Variants in ANK2 observed in about 807,000 individuals in gnomAD.
ANK2 encodes ankyrin 2, also known as ankyrin-2.
A neutral mutation model predicts 360.5 loss-of-function variants in ANK2; 83 were observed. The observed-to-expected ratio is 0.23, with a 90% CI of 0.19 to 0.28. The LOEUF (loss-of-function observed/expected upper bound fraction) is 0.28. Among genes scored for constraint, ANK2 ranks in the 10% least tolerant of loss-of-function variants. The probability of loss-of-function intolerance (pLI) is 1.00; values close to 1 mark genes in which losing one functional copy is unlikely to be tolerated. For synonymous variants in ANK2, 1,740 were observed against 1,759.5 expected, an observed-to-expected ratio of 0.99 and a Z score of 0.28; for missense variants, 4,201 against 4,795.7, an observed-to-expected ratio of 0.88 and a Z score of 3.66.
the ANK2 span, among the ~76,000 whole-genome samples, chr4:112,749,190 G>A: frequency 6.6e-6 from 1 of 152,116 alleles, no homozygotes; most frequent in African/African-American, 2.4e-5. Context: ...GTGAGCCACC[G>A]CGCCTGGCCT....
chr4:113,328,851 G>A (rs2091406971), intron 26 of ANK2, among the ~76,000 whole-genome samples: 1 of 152,186 alleles, frequency 6.6e-6, no homozygotes, highest in Non-Finnish European at 1.5e-5. Context: ...TGAAGAAGAT[G>A]CTAAGATATT....
At chr4:112,873,791 C>T (rs2074088413) in intron 1 of ANK2, among the ~76,000 whole-genome samples, 1 of 151,960 alleles carries the variant, frequency 6.6e-6, no homozygotes, top group Non-Finnish European at 1.5e-5. Context: ...ATCCGCCTGC[C>T]TCAGCCTCCC....
Position 113,358,843 on chromosome 4 carries a change from A to G in ANK2, c.10225A>G (p.Ser3409Gly), listed in dbSNP as rs767072859. ...SKTKCPVKTRSYTETETESRE... is the reference protein window; with the variant it reads ...SKTKCPVKTRGYTETETESRE... ...GACCAAATGCCCAGTAAAAACCCGA[A>G]GTTACACTGAGACAGAAACAGAGAG... is the stretch of plus-strand genomic sequence containing the variant. The change falls in exon 38 of 46, where the codon AGT becomes GGT. Residue 3409 changes from serine (S) to glycine (G), a missense_variant. Ser to Gly is a moderately conservative substitution (Grantham distance 56). This residue lies in a region of ANK2 where 2,642 missense variants were observed against 2,714.5 expected (regional missense o/e 0.97). Coordinates refer to ENST00000357077, the MANE Select transcript of ANK2 (RefSeq NM_001148.6). 3 of 1,613,998 alleles carry G rather than the reference A, an allele frequency of 1.9e-6. No individual in the cohort carries two copies. The highest frequency in any genetic ancestry group is 1.7e-6 in the Non-Finnish European group (2 of 1,179,994).
chr4:112,865,112 A>G (rs542851051), intron 1 of ANK2, among the ~76,000 whole-genome samples: 1 of 146,756 alleles, frequency 6.8e-6, no homozygotes, highest in African/African-American at 2.5e-5. Flanking sequence ...AAATAGCATT[A>G]GTGCAACATG....
chr4:112,772,033 A>G, the ANK2 span, among the ~76,000 whole-genome samples: 1 of 152,048 alleles, frequency 6.6e-6, no homozygotes, highest in Admixed American at 6.6e-5. Context: ...AGGTCAGAAA[A>G]TCCTTCTCGC....
chr4:112,758,089 T>A, the ANK2 span, among the ~76,000 whole-genome samples: 4 of 142,204 alleles, frequency 2.8e-5, no homozygotes, highest in South Asian at 2.3e-4. Flanking sequence ...TTTTTTTTTT[T>A]AATAGAGCCA....
At chr4:112,900,390 G>A (rs1233868174) in intron 1 of ANK2, among the ~76,000 whole-genome samples, 1 of 152,014 alleles carries the variant, frequency 6.6e-6, no homozygotes, top group Non-Finnish European at 1.5e-5. Context: ...ATCAGGATCC[G>A]AACATGGTCT....
At chr4:113,348,123 A>G (rs2095073423) in intron 35 of ANK2, 153 bp from the exon 36 acceptor site, 2 of 729,074 alleles carry the variant, frequency 2.7e-6, no homozygotes, top group Admixed American at 4.4e-5. Flanking sequence ...TCTTCTATAA[A>G]CTGTTAGTAA....
At chr4:112,869,652 T>C (rs1299823455) in intron 1 of ANK2, among the ~76,000 whole-genome samples, 4 of 152,218 alleles carry the variant, frequency 2.6e-5, no homozygotes, top group African/African-American at 9.7e-5. Context: ...TATTTATTTT[T>C]CTTTTGTTGC....
At chr4:112,770,755 TA>T in the ANK2 span, among the ~76,000 whole-genome samples, 1 of 151,812 alleles carries the variant, frequency 6.6e-6, no homozygotes, top group Non-Finnish European at 1.5e-5. Flanking sequence ...GCAGGCTCAT[TA>T]AAACAGATTT....
chr4:113,172,018 G>C (rs971856275), intron 1 of ANK2, among the ~76,000 whole-genome samples: 1 of 152,142 alleles, frequency 6.6e-6, no homozygotes, highest in African/African-American at 2.4e-5. Context: ...CTGATCTTTT[G>C]CTGAGTTTAA....
chr4:113,168,693 C>T (rs779529807), intron 1 of ANK2, among the ~76,000 whole-genome samples: 4 of 152,182 alleles, frequency 2.6e-5, no homozygotes, highest in Non-Finnish European at 5.9e-5. Context: ...GTTCTGACTG[C>T]AAGAAAGTAA....
At chr4:113,039,340 T>C (rs992346481) in intron 2 of ANK2, among the ~76,000 whole-genome samples, 72 of 152,166 alleles carry the variant, frequency 4.7e-4, no homozygotes, top group African/African-American at 1.7e-3. Flanking sequence ...AACAGGCTCA[T>C]CTCCAAGTTA....
chr4:112,726,209 T>C, the ANK2 span, among the ~76,000 whole-genome samples: 1 of 152,160 alleles, frequency 6.6e-6, no homozygotes, highest in East Asian at 1.9e-4. Flanking sequence ...AGCTCAAACA[T>C]GATAGGAGAG....
At chr4:113,107,251 C>T (rs1339870602) in intron 1 of ANK2, among the ~76,000 whole-genome samples, 1 of 152,014 alleles carries the variant, frequency 6.6e-6, no homozygotes, top group Non-Finnish European at 1.5e-5. Flanking sequence ...AAGTTTTGCT[C>T]TGTTGCCCAG....
At chr4:112,785,483 C>T in the ANK2 span, among the ~76,000 whole-genome samples, 2 of 150,718 alleles carry the variant, frequency 1.3e-5, no homozygotes, top group Admixed American at 6.6e-5. Flanking sequence ...AAGTGATTCT[C>T]CTGCCTCAGC....
chr4:112,933,662 G>A (rs184224465), intron 2 of ANK2, among the ~76,000 whole-genome samples: 130 of 151,664 alleles, frequency 8.6e-4, no homozygotes, highest in Non-Finnish European at 1.4e-3. Context: ...CACCAAGCCC[G>A]GGTAATTTTG....
chr4:113,256,990 G>A (rs1289609921), intron 11 of ANK2, among the ~76,000 whole-genome samples: 1 of 152,108 alleles, frequency 6.6e-6, no homozygotes, highest in African/African-American at 2.4e-5. Context: ...ATGTGCATGT[G>A]GCTATTTATA....
chr4:112,834,723 A>G (rs1186941533), intron 1 of ANK2, among the ~76,000 whole-genome samples: 1 of 152,186 alleles, frequency 6.6e-6, no homozygotes, highest in Non-Finnish European at 1.5e-5. Flanking sequence ...TTTTCTCAAA[A>G]ATGTCTTTTT....
Sources: allele counts gnomAD v4.1 joint callset (sites outside exome capture counted in the v4.1 genomes callset), GRCh38; gene constraint gnomAD v4.1.1; regional missense constraint gnomAD v4.1.1; transcripts MANE v1.5; gene names NCBI Gene and HGNC (gene_info 2026-07-23, HGNC 2026-07-21).